Variants in KRCC1 observed in about 807,000 individuals in gnomAD.
KRCC1 encodes lysine rich coiled-coil 1.
Under a neutral mutation model 7.4 loss-of-function variants are expected in KRCC1, and 3 were observed. That is an observed-to-expected ratio of 0.40 (90% CI 0.18 to 1.04). The LOEUF is 1.04. KRCC1 is among the 50% of genes least tolerant of loss of function. The pLI is 0.33. For synonymous variants in KRCC1, 102 were observed against 101.6 expected (o/e 1.00, Z -0.02); for missense variants, 277 against 300.9 (o/e 0.92, Z 0.59).
intron 1 of KRCC1, among the ~76,000 whole-genome samples, chr2:88,047,662 G>A (rs1173777493): frequency 2.0e-5 from 3 of 152,022 alleles, no homozygotes; most frequent in Admixed American, 2.0e-4. Flanking sequence ...CCGAGTAGCT[G>A]GGACTACAGG....
Position 88,041,099 on chromosome 2 carries a change from G to T in KRCC1, c.-290-4048C>A, listed in dbSNP as rs35689229. 4.2e-3 allele frequency among the ~76,000 whole-genome samples: 646 copies of T among 152,272 alleles called. 2 individuals are homozygous for T. The highest frequency in any genetic ancestry group is 7.0e-3 in the Non-Finnish European group (475 of 68,030). ...AAAAGAGACTCAAAATGGAGATATT[G>T]TTAGGTAGCTGTTGCAGGCAAGAGA... is the stretch of plus-strand genomic sequence containing the variant. On this transcript the variant is annotated intron_variant, in intron 1 of 3. Coordinates refer to ENST00000347055, the MANE Select transcript of KRCC1 (RefSeq NM_016618.3).
chr2:88,032,864 G>C (rs1294973763), intron 3 of KRCC1, among the ~76,000 whole-genome samples: 2 of 152,114 alleles, frequency 1.3e-5, no homozygotes, highest in African/African-American at 2.4e-5. Flanking sequence ...ACTTTGGGAG[G>C]CTGAAGTGGC....
chr2:88,053,258 C>G (rs533979334), intron 1 of KRCC1, among the ~76,000 whole-genome samples: 1 of 152,252 alleles, frequency 6.6e-6, no homozygotes, highest in South Asian at 2.1e-4. Flanking sequence ...GAACCTATAA[C>G]TAGTCAGACT....
At chr2:88,040,863 T>C (rs1673196889) in intron 1 of KRCC1, among the ~76,000 whole-genome samples, 1 of 151,940 alleles carries the variant, frequency 6.6e-6, no homozygotes, top group African/African-American at 2.4e-5. Context: ...GAATGGACAC[T>C]TAAGGAGATG....
At chr2:88,048,982 CTT>C (rs939923204) in intron 1 of KRCC1, among the ~76,000 whole-genome samples, 5 of 152,178 alleles carry the variant, frequency 3.3e-5, no homozygotes. Context: ...CATGAATACT[CTT>C]TGCTATAATA....
chr2:88,045,829 A>C (rs1673318273), intron 1 of KRCC1, among the ~76,000 whole-genome samples: 1 of 151,908 alleles, frequency 6.6e-6, no homozygotes, highest in Non-Finnish European at 1.5e-5. Context: ...GATTACAGGC[A>C]TGAGACATCA....
intron 1 of KRCC1, among the ~76,000 whole-genome samples, chr2:88,038,630 A>C (rs1673142355): frequency 6.6e-6 from 1 of 152,214 alleles, no homozygotes; most frequent in Non-Finnish European, 1.5e-5. Context: ...GTAATTTATA[A>C]AGGAAAAAGG....
intron 1 of KRCC1, among the ~76,000 whole-genome samples, chr2:88,054,974 G>C (rs1673582375): frequency 6.6e-6 from 1 of 152,118 alleles, no homozygotes; most frequent in Non-Finnish European, 1.5e-5. Flanking sequence ...CTCTAAATTA[G>C]AGGATTAAAA....
In KRCC1 at chr2:88,055,764, A is replaced by C. The variant is rs1673612396; in HGVS notation, c.-429T>G. 6.5e-6 allele frequency: 1 copy of C among 153,724 alleles called. No individual in the cohort carries two copies. Among genetic ancestry groups the C allele is most frequent in the Admixed American group, 6.5e-5 (1 of 15,306 alleles). The allele number at this position is 153,724 out of a possible 1,614,324, so 9.5% of individuals were successfully genotyped here. On this transcript the variant is annotated 5_prime_UTR_variant, in exon 1 of 4. Transcript: ENST00000347055. ...GCCACCGCCGCCTCCGCCGCCGAGC[A>C]GGCTGGATGGGAGGAGGAGGCGGAG...
chr2:88,051,394 A>G (rs1558837939), intron 1 of KRCC1, among the ~76,000 whole-genome samples: 1 of 146,166 alleles, frequency 6.8e-6, no homozygotes, highest in East Asian at 1.9e-4. Flanking sequence ...AATAACTGGA[A>G]ACATGACAAT....
At chr2:88,043,478 TTTTGA>T (rs1331002243) in intron 1 of KRCC1, among the ~76,000 whole-genome samples, 2 of 152,254 alleles carry the variant, frequency 1.3e-5, no homozygotes, top group African/African-American at 4.8e-5. Context: ...TGCAACATTC[TTTTGA>T]TTTATTAGTA....
At chr2:88,054,440 AC>A (rs1400586435) in intron 1 of KRCC1, among the ~76,000 whole-genome samples, 13 of 152,176 alleles carry the variant, frequency 8.5e-5, no homozygotes, top group African/African-American at 3.1e-4. Context: ...TGTACCTCTT[AC>A]AACTCAGGAG....
rs112955480 is a variant in KRCC1, at chr2:88,040,817, T to G, written c.-290-3766A>C. On this transcript the variant is annotated intron_variant, in intron 1 of 3. Coordinates refer to ENST00000347055, the MANE Select transcript of KRCC1 (RefSeq NM_016618.3). ...GTAAGACATAAGAAGGTATAATGTG[T>G]TCTTGGTGAGGGGTTTGTGGTAAAG... Among the ~76,000 whole-genome samples, 626 of 152,154 alleles carry G rather than the reference T, an allele frequency of 4.1e-3. 1 individual carries two copies. Among genetic ancestry groups the G allele is most frequent in the Middle Eastern group, 6.8e-3 (2 of 294 alleles).
chr2:88,028,776 G>A (rs1179812804), intron 3 of KRCC1, among the ~76,000 whole-genome samples, 191 bp from the exon 4 acceptor site: 1 of 149,426 alleles, frequency 6.7e-6, no homozygotes, highest in Non-Finnish European at 1.5e-5. Flanking sequence ...TCAGCCTCCC[G>A]AGTAGCTGGG....
At chr2:88,045,102 C>T (rs1198244919) in intron 1 of KRCC1, among the ~76,000 whole-genome samples, 1 of 151,762 alleles carries the variant, frequency 6.6e-6, no homozygotes, top group Non-Finnish European at 1.5e-5. Flanking sequence ...TGGGCTCAAG[C>T]AATCTGGCCA....
chr2:88,045,853 T>C (rs755713609), intron 1 of KRCC1, among the ~76,000 whole-genome samples: 3 of 152,060 alleles, frequency 2.0e-5, no homozygotes, highest in Non-Finnish European at 4.4e-5. Context: ...CCAATTTTTG[T>C]ATTTTTAGTA....
At chr2:88,055,202 C>T (rs1673590687) in intron 1 of KRCC1, among the ~76,000 whole-genome samples, 1 of 151,968 alleles carries the variant, frequency 6.6e-6, no homozygotes, top group African/African-American at 2.4e-5. Flanking sequence ...AAAGTCTCTA[C>T]TTTCCAGGAT....
intron 3 of KRCC1, among the ~76,000 whole-genome samples, chr2:88,029,852 A>AT (rs1237889653): frequency 4.4e-3 from 120 of 27,196 alleles, no homozygotes; most frequent in African/African-American, 7.8e-3. Flanking sequence ...ATATATATAT[A>AT]TATTTTTTTT....
intron 1 of KRCC1, among the ~76,000 whole-genome samples, chr2:88,046,112 G>A (rs867423083): frequency 1.9e-4 from 29 of 152,300 alleles, no homozygotes; most frequent in African/African-American, 6.5e-4. Context: ...TGTTGGCTTT[G>A]TTTCCAGAAA....
Sources: allele counts gnomAD v4.1 joint callset (sites outside exome capture counted in the v4.1 genomes callset), GRCh38; gene constraint gnomAD v4.1.1; transcripts MANE v1.5; gene names NCBI Gene and HGNC (gene_info 2026-07-23, HGNC 2026-07-21).